The following LIMS2 variants were observed in gnomAD, a reference collection of about 807,000 sequenced individuals.
The protein encoded by LIMS2 is LIM zinc finger domain containing 2, also known as LIM and senescent cell antigen-like-containing domain protein 2.
A neutral mutation model predicts 45.3 loss-of-function variants in LIMS2; 30 were observed. The observed-to-expected ratio is 0.66, with a 90% confidence interval of 0.50 to 0.90. The LOEUF (loss-of-function observed/expected upper bound fraction) is 0.90. Among genes scored for constraint, LIMS2 ranks in the 40% least tolerant of loss-of-function variants. The probability of loss-of-function intolerance (pLI) is 0.00; values close to 1 mark genes in which losing one functional copy is unlikely to be tolerated. For missense variants in LIMS2, 485 were observed against 468.7 expected, an observed-to-expected ratio of 1.03 and a Z score of -0.32; for synonymous variants, 173 against 188.0, an observed-to-expected ratio of 0.92 and a Z score of 0.65.
At chr2:127,656,831 C>A (rs1466384963) in intron 2 of LIMS2, among the ~76,000 whole-genome samples, 1 of 152,158 alleles carries the variant, frequency 6.6e-6, no homozygotes, top group African/African-American at 2.4e-5. Context: ...TGGGGCCAAG[C>A]GAGATCCACC....
At position 127,667,136 on chromosome 2, in the gene LIMS2, C is replaced by T. The variant is rs367945199; in HGVS notation, c.11+7878G>A. On this transcript the variant is annotated intron_variant, in intron 1 of 9. Transcript: ENST00000355119. This position sits in a 1 kb window ranked among gnomAD's most constrained non-coding sequence, Gnocchi z 4.1. Reference sequence around the variant, plus strand: ...AATTAACACCAAACCTACAAACAAACATACAAAACACCAGTGTGGTGGCAC... The same window carrying T: ...AATTAACACCAAACCTACAAACAAATATACAAAACACCAGTGTGGTGGCAC... Among the ~76,000 whole-genome samples the T allele has an allele frequency of 6.6e-6, 1 of 152,200 alleles. No individual in the cohort carries two copies. The highest frequency in any genetic ancestry group is 3.4e-3 in the Middle Eastern group (1 of 294).
intron 4 of LIMS2, chr2:127,646,422 C>T (rs11687066): frequency 0.26 from 39,484 of 152,266 alleles, 5,248 homozygotes; most frequent in South Asian, 0.36. Context: ...GCCCACAAAG[C>T]GGTGTTTCGT....
At chr2:127,662,425 C>T (rs1168803742) in intron 1 of LIMS2, among the ~76,000 whole-genome samples, 2 of 151,872 alleles carry the variant, frequency 1.3e-5, no homozygotes, top group African/African-American at 2.4e-5. Context: ...CCTGGGCTTC[C>T]TCCCTGCCCC....
chr2:127,640,840 G>A (rs969395170), intron 7 of LIMS2, 56 bp downstream of exon 7: 16 of 1,511,844 alleles, frequency 1.1e-5, no homozygotes, highest in Non-Finnish European at 1.5e-5. Flanking sequence ...GCTCACGGCA[G>A]CTCTCCTGGC....
Position 127,650,499 on chromosome 2 carries a change from C to T in LIMS2, c.359+3925G>A. On this transcript the variant is annotated intron_variant, in intron 4 of 9. Coordinates refer to ENST00000355119, the MANE Select transcript of LIMS2 (RefSeq NM_001161403.3). ...AGCTGCATAGCGGCGAAATTCCAAG[C>T]CCTGGTTCTGCGTTTGCCTTGTGCT... 4 of 572,906 alleles carry T rather than the reference C, an allele frequency of 7.0e-6. No individual in the cohort carries two copies. The South Asian group carries it at 9.3e-5, about 13-fold the overall frequency. The allele number at this position is 572,906 out of a possible 1,614,324, so 35.5% of individuals were successfully genotyped here.
chr2:127,658,380 G>C (rs567721201), intron 1 of LIMS2, among the ~76,000 whole-genome samples: 68 of 152,324 alleles, frequency 4.5e-4, no homozygotes, highest in Non-Finnish European at 5.9e-5. Context: ...GCAAGACCCT[G>C]TCTCAAAATA....
upstream of LIMS2, among the ~76,000 whole-genome samples, chr2:127,677,644 G>A (rs1685533141): frequency 6.6e-6 from 1 of 152,214 alleles, no homozygotes; most frequent in Non-Finnish European, 1.5e-5. The surrounding 1 kb of genome is among the most constrained non-coding windows in gnomAD (Gnocchi z 5.0). Context: ...GCCCAGGGCA[G>A]AGCAGCAGGG....
intron 1 of LIMS2, among the ~76,000 whole-genome samples, chr2:127,680,561 G>A (rs989522555): frequency 2.0e-4 from 30 of 152,220 alleles, no homozygotes; most frequent in African/African-American, 7.0e-4. Flanking sequence ...TTCTCCCTGT[G>A]CCACACGGCA....
At position 127,664,507 on chromosome 2, in the gene LIMS2, T is replaced by C; in HGVS notation, c.12-6945A>G. 1 of 1,155,420 alleles carries C rather than the reference T, an allele frequency of 8.7e-7. No individual in the cohort carries two copies. Among genetic ancestry groups the C allele is most frequent in the Non-Finnish European group, 1.1e-6 (1 of 939,398 alleles). 71.6% of individuals were successfully genotyped at this position (1,155,420 alleles called of 1,614,324 possible). Reference sequence around the variant, plus strand: ...CAGACACCAAGACGGGACGGGCGTGTGGGCGCCTCCCCCGCGCTGGTCGCG... The same window carrying C: ...CAGACACCAAGACGGGACGGGCGTGCGGGCGCCTCCCCCGCGCTGGTCGCG... On this transcript the variant is annotated intron_variant, in intron 1 of 9. Transcript: ENST00000355119. The surrounding 1 kb of genome is among the most constrained non-coding windows in gnomAD (Gnocchi z 5.5).
intron 4 of LIMS2, chr2:127,650,802 T>C: frequency 6.2e-7 from 1 of 1,613,044 alleles, no homozygotes; most frequent in Non-Finnish European, 8.5e-7. Context: ...GGCAGAGCAA[T>C]GTGGCCAGGA....
chr2:127,642,701 C>A lies in LIMS2; in HGVS notation c.509+222G>T, dbSNP rs1047082203. The A allele has an allele frequency of 3.5e-6, 2 of 564,712 alleles. No homozygotes were observed. The highest frequency in any genetic ancestry group is 6.4e-5 in the Admixed American group (2 of 31,224). 35.0% of individuals were successfully genotyped at this position (564,712 alleles called of 1,614,324 possible). On this transcript the variant is annotated intron_variant, in intron 5 of 9. Coordinates refer to ENST00000355119, the MANE Select transcript of LIMS2 (RefSeq NM_001161403.3). The surrounding 1 kb of genome is among the most constrained non-coding windows in gnomAD (Gnocchi z 5.3). ...CCACCCGCCTCCTGAGTCTCAAGTG[C>A]CCCCCAAACAGAGCCCTGGAGAGAG...
chr2:127,661,479 G>A (rs769097960), intron 1 of LIMS2, among the ~76,000 whole-genome samples: 7 of 152,236 alleles, frequency 4.6e-5, no homozygotes, highest in Admixed American at 2.6e-4. Flanking sequence ...AGAGGTCAGA[G>A]GGTCAGAGAC....
At chr2:127,659,179 G>A (rs910744753) in intron 1 of LIMS2, among the ~76,000 whole-genome samples, 1 of 152,206 alleles carries the variant, frequency 6.6e-6, no homozygotes, top group African/African-American at 2.4e-5. Flanking sequence ...TTTCTTCTCT[G>A]CTTAGGGACC....
rs1019354292 is a variant in LIMS2, at chr2:127,672,472, T to G, written c.11+2542A>C. ...AGACTTGCCACAGCTCTTCAAGCAC[T>G]CCACAACCACACCAAGCATGCCATC... On this transcript the variant is annotated intron_variant, in intron 1 of 9. Coordinates refer to ENST00000355119, the MANE Select transcript of LIMS2 (RefSeq NM_001161403.3). The surrounding 1 kb of genome is among the most constrained non-coding windows in gnomAD (Gnocchi z 4.9). 2.0e-5 allele frequency among the ~76,000 whole-genome samples: 3 copies of G among 151,648 alleles called. No homozygotes were observed. The highest frequency in any genetic ancestry group is 7.3e-5 in the African/African-American group (3 of 41,234).
upstream of LIMS2, among the ~76,000 whole-genome samples, chr2:127,679,327 G>C (rs913241937): frequency 6.6e-6 from 1 of 152,160 alleles, no homozygotes; most frequent in Admixed American, 6.5e-5. The surrounding 1 kb of genome is among the most constrained non-coding windows in gnomAD (Gnocchi z 5.3). Context: ...GCAGTTGGAA[G>C]TGGGGAGGGG....
At chr2:127,663,620 C>T (rs79756134) in intron 1 of LIMS2, among the ~76,000 whole-genome samples, 2,416 of 149,664 alleles carry the variant, frequency 0.016, 72 homozygotes, top group African/African-American at 0.055. Context: ...TCCTGGCTCC[C>T]TCCCTGCCCC....
Position 127,653,008 on chromosome 2 carries a change from G to A in LIMS2, c.359+1416C>T, listed in dbSNP as rs114394625. Among the ~76,000 whole-genome samples the A allele has an allele frequency of 3.7e-3, 568 of 152,328 alleles. 3 individuals carry two copies. The highest frequency in any genetic ancestry group is 0.013 in the African/African-American group (536 of 41,558). Reference sequence around the variant, plus strand: ...TTGGGCTCGCTCCACACACCCTGTCGGCGACGTTGCTGGTCAGCACGAGCT... The same window carrying A: ...TTGGGCTCGCTCCACACACCCTGTCAGCGACGTTGCTGGTCAGCACGAGCT... On this transcript the variant is annotated intron_variant, in intron 4 of 9. Transcript: ENST00000355119. This position sits in a 1 kb window ranked among gnomAD's most constrained non-coding sequence, Gnocchi z 5.3.
chr2:127,654,264 C>A (rs78730710), intron 4 of LIMS2, among the ~76,000 whole-genome samples, 160 bp downstream of exon 4: 14 of 152,058 alleles, frequency 9.2e-5, no homozygotes, highest in Non-Finnish European at 1.6e-4. Context: ...CTGGACTATC[C>A]GCCCCGGGGT....
At position 127,647,681 on chromosome 2, in the gene LIMS2, C is replaced by T. The variant is rs1287640102; in HGVS notation, c.360-4609G>A. 6.6e-6 allele frequency among the ~76,000 whole-genome samples: 1 copy of T among 152,088 alleles called. No homozygotes were observed. Among genetic ancestry groups the T allele is most frequent in the Non-Finnish European group, 1.5e-5 (1 of 67,992 alleles). On this transcript the variant is annotated intron_variant, in intron 4 of 9. Transcript: ENST00000355119. The surrounding 1 kb of genome is among the most constrained non-coding windows in gnomAD (Gnocchi z 4.3). ...TCTCCTCTTCCAGTCTCCAGGGCCT[C>T]CCCGCACACACCTTCCTCCTCTCCT...
Sources: gnomAD v4.1 joint callset for allele counts (sites outside exome capture counted in the v4.1 genomes callset) on GRCh38, gnomAD v4.1.1 for gene constraint, Gnocchi (gnomAD v3.1) non-coding constraint, MANE v1.5 for transcripts, NCBI Gene and HGNC (gene_info 2026-07-23, HGNC 2026-07-21) for gene names.